Variants in CTNNA3 observed in about 807,000 individuals in gnomAD.
The protein encoded by CTNNA3 is catenin alpha-3.
A neutral mutation model predicts 95.7 loss-of-function variants in CTNNA3; 76 were observed. The observed-to-expected ratio is 0.79, with a 90% CI of 0.66 to 0.96. The LOEUF is 0.96. Ranked by LOEUF, CTNNA3 falls within the 40% of genes least tolerant of loss-of-function variation. CTNNA3 has a pLI of 0.00. For missense variants in CTNNA3, 1,191 were observed against 1,089.8 expected (o/e 1.09, Z -1.31); for synonymous variants, 431 against 374.4 (o/e 1.15, Z -1.74).
At chr10:66,781,255 G>A (rs6480210) in intron 7 of CTNNA3, among the ~76,000 whole-genome samples, 103,830 of 152,108 alleles carry the variant, frequency 0.68, 35,968 homozygotes, top group East Asian at 1. Flanking sequence ...TGTTTTGTAA[G>A]TGTGTGCCAT....
intron 3 of CTNNA3, among the ~76,000 whole-genome samples, chr10:67,576,376 C>A (rs1332766601): frequency 6.6e-6 from 1 of 151,956 alleles, no homozygotes; most frequent in African/African-American, 2.4e-5. Flanking sequence ...TGGCCACATA[C>A]AAATATAATG....
intron 9 of CTNNA3, among the ~76,000 whole-genome samples, chr10:66,716,033 C>T (rs1167013649): frequency 6.6e-6 from 1 of 151,952 alleles, no homozygotes; most frequent in African/African-American, 2.4e-5. Flanking sequence ...CTGACATTTT[C>T]TCATTTAATT....
chr10:67,370,238 T>C (rs1008187694), intron 5 of CTNNA3, among the ~76,000 whole-genome samples: 4 of 152,144 alleles, frequency 2.6e-5, no homozygotes, highest in Admixed American at 2.6e-4. Flanking sequence ...AGATCTCCAC[T>C]TGATTTTTTT....
intron 9 of CTNNA3, among the ~76,000 whole-genome samples, chr10:66,648,803 G>A (rs1845795386): frequency 1.3e-5 from 2 of 152,104 alleles, no homozygotes; most frequent in African/African-American, 4.8e-5. Flanking sequence ...TAGATATGCT[G>A]ATTTTTGGGT....
intron 13 of CTNNA3, among the ~76,000 whole-genome samples, chr10:66,252,950 C>T (rs2090617695): frequency 6.6e-6 from 1 of 152,110 alleles, no homozygotes; most frequent in African/African-American, 2.4e-5. Flanking sequence ...AAAATACAAA[C>T]TGTTTACATA....
intron 7 of CTNNA3, among the ~76,000 whole-genome samples, chr10:66,897,817 C>A (rs1396978185): frequency 1.3e-5 from 2 of 152,054 alleles, no homozygotes; most frequent in Admixed American, 1.3e-4. Flanking sequence ...CATAAACATG[C>A]AAAATATTTC....
intron 3 of CTNNA3, among the ~76,000 whole-genome samples, chr10:67,571,158 T>C (rs1180446469): frequency 2.6e-5 from 4 of 152,132 alleles, no homozygotes; most frequent in Non-Finnish European, 5.9e-5. Context: ...TGTATTTATG[T>C]GTCTTGATGA....
intron 13 of CTNNA3, among the ~76,000 whole-genome samples, chr10:66,202,615 A>G (rs983162068): frequency 6.6e-6 from 1 of 152,100 alleles, no homozygotes; most frequent in African/African-American, 2.4e-5. Flanking sequence ...TATAACATAA[A>G]TTTTTACTTC....
chr10:65,997,023 G>GT (rs35832130), intron 15 of CTNNA3, among the ~76,000 whole-genome samples: 39,836 of 151,640 alleles, frequency 0.26, 6,629 homozygotes, highest in African/African-American at 0.48. Context: ...CATTAATTGT[G>GT]TTTTTTTTAA....
At chr10:66,858,032 G>C (rs1156384680) in intron 7 of CTNNA3, among the ~76,000 whole-genome samples, 1 of 152,108 alleles carries the variant, frequency 6.6e-6, no homozygotes, top group Non-Finnish European at 1.5e-5. Context: ...TATGACGTTG[G>C]CTGTAGATTT....
intron 17 of CTNNA3, among the ~76,000 whole-genome samples, chr10:65,925,476 G>T (rs540715909): frequency 9.2e-5 from 14 of 151,990 alleles, no homozygotes; most frequent in African/African-American, 2.7e-4. Context: ...TCGCTCTGTT[G>T]TCCAGACTGG....
At chr10:66,916,285 CAT>C (rs1166319414) in intron 7 of CTNNA3, among the ~76,000 whole-genome samples, 1 of 152,144 alleles carries the variant, frequency 6.6e-6, no homozygotes, top group African/African-American at 2.4e-5. Context: ...GTAATAATAA[CAT>C]ATTAACATGG....
chr10:66,500,173 C>T (rs1401193299), intron 11 of CTNNA3, among the ~76,000 whole-genome samples: 1 of 152,104 alleles, frequency 6.6e-6, no homozygotes, highest in African/African-American at 2.4e-5. Context: ...CTCACACATA[C>T]ACTATTTATT....
chr10:66,132,406 T>A (rs532954257), intron 13 of CTNNA3, among the ~76,000 whole-genome samples: 2 of 152,112 alleles, frequency 1.3e-5, no homozygotes, highest in Non-Finnish European at 2.9e-5. Flanking sequence ...AAATAACAGG[T>A]GCTGGCAAGG....
intron 13 of CTNNA3, among the ~76,000 whole-genome samples, chr10:66,215,697 G>A (rs1467868903): frequency 6.6e-6 from 1 of 152,180 alleles, no homozygotes. Context: ...AAGACACAAT[G>A]AAATTATTAA....
chr10:66,398,915 A>G (rs751133796), intron 11 of CTNNA3, among the ~76,000 whole-genome samples: 1 of 152,022 alleles, frequency 6.6e-6, no homozygotes, highest in East Asian at 1.9e-4. Flanking sequence ...GCATTTAAGC[A>G]TCTCTGCATG....
intron 5 of CTNNA3, among the ~76,000 whole-genome samples, chr10:67,427,570 G>C (rs1041776305): frequency 3.3e-5 from 5 of 151,930 alleles, no homozygotes; most frequent in African/African-American, 1.2e-4. Flanking sequence ...AACTTAAACT[G>C]TGGATGTAGA....
intron 5 of CTNNA3, among the ~76,000 whole-genome samples, chr10:67,233,422 A>G (rs2132307261): frequency 1.3e-5 from 2 of 149,906 alleles, no homozygotes; most frequent in South Asian, 4.4e-4. Context: ...CTGGGTACAT[A>G]ACGAAATGAA....
At chr10:66,773,637 C>T (rs537195083) in intron 8 of CTNNA3, among the ~76,000 whole-genome samples, 3 of 152,250 alleles carry the variant, frequency 2.0e-5, no homozygotes, top group Non-Finnish European at 2.9e-5. Flanking sequence ...CCCAAGACAT[C>T]GTGAGATGCA....
Sources: gnomAD v4.1 joint callset for allele counts (sites outside exome capture counted in the v4.1 genomes callset) on GRCh38, gnomAD v4.1.1 for gene constraint, MANE v1.5 for transcripts, NCBI Gene and HGNC (gene_info 2026-07-23, HGNC 2026-07-21) for gene names.